NPC1: variants seen among roughly 807,000 people sequenced by gnomAD.
The protein encoded by NPC1 is Niemann-Pick C1 protein.
Under a neutral mutation model 140.4 loss-of-function variants are expected in NPC1, and 85 were observed. The observed-to-expected ratio is 0.61, with a 90% CI of 0.51 to 0.72. NPC1 has a LOEUF of 0.72. NPC1 is among the 30% of genes least tolerant of loss of function. The pLI, the probability that NPC1 is intolerant of heterozygous loss-of-function variation, is 0.00. For synonymous variants in NPC1, 656 were observed against 624.8 expected, an observed-to-expected ratio of 1.05 and a Z score of -0.74; for missense variants, 1,504 against 1,623.8, an observed-to-expected ratio of 0.93 and a Z score of 1.27.
intron 3 of NPC1, among the ~76,000 whole-genome samples, chr18:23,511,846 G>A (rs1354124194): frequency 6.6e-6 from 1 of 151,850 alleles, no homozygotes; most frequent in Non-Finnish European, 1.5e-5. Flanking sequence ...TATATTAGAG[G>A]GAGAGTTGCA....
chr18:23,555,725 C>T (rs769435617), intron 8 of NPC1, among the ~76,000 whole-genome samples: 3 of 152,188 alleles, frequency 2.0e-5, no homozygotes, highest in Admixed American at 6.5e-5. Context: ...GCCCCAAATG[C>T]GCCTCTCACC....
In NPC1 at chr18:23,506,721, GAT is replaced by G. The variant is rs572316177; in HGVS notation, c.432-81_432-80del. On this transcript the variant is annotated intron_variant, in intron 3 of 3. Coordinates refer to the NPC1 transcript ENST00000591107. ...ATTTATGTTGGAACAATTCTCAGGT[GAT>G]ATGTGTGTGTGATCTGAATTCTTCA... 980 of 377,314 alleles carry G rather than the reference GAT, an allele frequency of 2.6e-3. 1 individual carries two copies. Among genetic ancestry groups the G allele is most frequent in the South Asian group, 3.9e-3 (158 of 40,332 alleles). 23.4% of individuals were successfully genotyped at this position (377,314 alleles called of 1,614,324 possible).
At chr18:23,552,552 C>T (rs748678908) in intron 9 of NPC1, among the ~76,000 whole-genome samples, 5 of 152,268 alleles carry the variant, frequency 3.3e-5, no homozygotes, top group South Asian at 2.1e-4. Context: ...GGTCTGGAAA[C>T]GGCAAAGAAA....
At chr18:23,533,742 G>A in intron 23 of NPC1, 3 of 527,632 alleles carry the variant, frequency 5.7e-6, no homozygotes, top group Non-Finnish European at 1.0e-5. Context: ...CTGGCCGCAA[G>A]TGGTCCGCCA....
chr18:23,519,896 C>T (rs991370538), downstream of NPC1, among the ~76,000 whole-genome samples: 5 of 152,150 alleles, frequency 3.3e-5, no homozygotes, highest in African/African-American at 7.2e-5. Flanking sequence ...AGGGTGGTGA[C>T]GCTAACTCTG....
chr18:23,538,619 C>T lies in NPC1; in HGVS notation c.2964G>A (p.Gln988=). Residue 988 remains glutamine (Q), a synonymous_variant, in exon 20 of 25, where the codon CAG becomes CAA. Coordinates refer to ENST00000269228, the MANE Select transcript of NPC1 (RefSeq NM_000271.5). ...TCATGAAGTCTCCCCCCTGAGGCCTCTGTTTGCCTTCCGGAGTCAGAGGCC... is the reference window on the plus strand; with the variant it reads ...TCATGAAGTCTCCCCCCTGAGGCCTTTGTTTGCCTTCCGGAGTCAGAGGCC... ...RCRPLTPEGK[Q]RPQGGDFMRF... The T allele has an allele frequency of 6.2e-7, 1 of 1,614,188 alleles. No homozygotes were observed. Among genetic ancestry groups the T allele is most frequent in the Non-Finnish European group, 8.5e-7 (1 of 1,180,030 alleles).
rs577047861 is a variant in NPC1, at chr18:23,510,830, T to C, written c.432-4188A>G. On this transcript the variant is annotated intron_variant, in intron 3 of 3. Transcript: ENST00000591107. ...TATAAAAAAGTCAAAGAATAACAGA[T>C]ACTGGCAAGGTTGTGGAGAAAAGGG... Among the ~76,000 whole-genome samples, 53 of 152,332 alleles carry C rather than the reference T, an allele frequency of 3.5e-4. No homozygotes were observed. In the South Asian group the frequency reaches 8.5e-3, roughly 24 times the overall value.
At chr18:23,508,195 G>A (rs927413326) in intron 3 of NPC1, among the ~76,000 whole-genome samples, 4 of 152,192 alleles carry the variant, frequency 2.6e-5, no homozygotes, top group African/African-American at 9.6e-5. Flanking sequence ...CGGGGTGTTT[G>A]CTTTGTGACA....
downstream of NPC1, among the ~76,000 whole-genome samples, chr18:23,525,930 C>T (rs2058286720): frequency 6.6e-6 from 1 of 152,182 alleles, no homozygotes; most frequent in Non-Finnish European, 1.5e-5. Context: ...CATTGTTGTG[C>T]CTTGTCTGTA....
chr18:23,567,595 T>C (rs1321775740), intron 4 of NPC1, among the ~76,000 whole-genome samples: 1 of 152,256 alleles, frequency 6.6e-6, no homozygotes, highest in East Asian at 1.9e-4. Flanking sequence ...CTTCTCGTTC[T>C]TGAGGTCTTC....
exon 4 of NPC1, chr18:23,506,292 A>G (rs2057715242): frequency 6.6e-6 from 1 of 152,174 alleles, no homozygotes; most frequent in African/African-American, 2.4e-5. Context: ...TGAAACCATC[A>G]CCACAATCAA....
intron 11 of NPC1, 100 bp from the exon 12 acceptor site, chr18:23,545,249 T>C: frequency 1.1e-6 from 1 of 913,014 alleles, no homozygotes; most frequent in East Asian, 2.6e-5. Context: ...ACGTTTTCTT[T>C]TTTTTGGTTT....
rs765392851 is a variant in NPC1 at position 23,524,200 on chromosome 18, G to A, written c.164-1294C>T. On this transcript the variant is annotated intron_variant, in intron 1 of 1. Transcript: ENST00000590723. Reference sequence around the variant, plus strand: ...GTATCCTTTACTAAGGTGTGGCACCGTGCACAACAGGGCAAGTGGTCACCC... The same window carrying A: ...GTATCCTTTACTAAGGTGTGGCACCATGCACAACAGGGCAAGTGGTCACCC... 12 of 1,611,622 alleles carry A rather than the reference G, an allele frequency of 7.4e-6. No homozygotes were observed. The Middle Eastern group carries it at 8.2e-4, about 111-fold the overall frequency.
In NPC1 at chr18:23,556,396, T is replaced by C. The variant is rs1278152226; in HGVS notation, c.1173A>G (p.Glu391=). 6.8e-6 allele frequency: 11 copies of C among 1,614,122 alleles called. No homozygotes were observed. Among genetic ancestry groups the C allele is most frequent in the Non-Finnish European group, 9.3e-6 (11 of 1,180,010 alleles). ...CAAAGTGCTGGTCAAAGTACTCTTT[T>C]TCCAGGCGAGCCTGGCTGCTGGGGG... The part of the protein sequence containing the change: ...WSAPSSQARL[E]KEYFDQHFGP... Residue 391 remains glutamate (E), a synonymous_variant, in exon 8 of 25, where the codon GAA becomes GAG. Coordinates refer to ENST00000269228, the MANE Select transcript of NPC1 (RefSeq NM_000271.5).
At chr18:23,555,695 G>T (rs1321281138) in intron 8 of NPC1, among the ~76,000 whole-genome samples, 1 of 152,214 alleles carries the variant, frequency 6.6e-6, no homozygotes, top group East Asian at 1.9e-4. Context: ...TGCCTTTCTA[G>T]GAGCAATGGG....
chr18:23,548,501 C>CCA (rs1305574431), intron 10 of NPC1, among the ~76,000 whole-genome samples: 3 of 151,970 alleles, frequency 2.0e-5, no homozygotes, highest in Admixed American at 6.6e-5. Flanking sequence ...CAGAGCCACT[C>CCA]CACACACACA....
At chr18:23,572,553 G>C (rs577694408) in intron 2 of NPC1, among the ~76,000 whole-genome samples, 21 of 152,258 alleles carry the variant, frequency 1.4e-4, no homozygotes, top group African/African-American at 4.8e-4. Flanking sequence ...AGCAAGTGAG[G>C]ACAGGTACTG....
downstream of NPC1, chr18:23,527,883 C>A (rs199754802): frequency 1.2e-6 from 2 of 1,613,824 alleles, no homozygotes; most frequent in South Asian, 2.2e-5. Context: ...ACCTGGATGC[C>A]GAGCAGAGTT....
chr18:23,556,180 A>G, intron 8 of NPC1, 63 bp downstream of exon 8: 4 of 1,436,850 alleles, frequency 2.8e-6, no homozygotes, highest in South Asian at 2.3e-5. Flanking sequence ...AGTAGTCAAC[A>G]TGTAAAAGCC....
Sources: allele counts gnomAD v4.1 joint callset (sites outside exome capture counted in the v4.1 genomes callset), GRCh38; gene constraint gnomAD v4.1.1; transcripts MANE v1.5; gene names NCBI Gene and HGNC (gene_info 2026-07-23, HGNC 2026-07-21).